USP34: variants seen among roughly 807,000 people sequenced by gnomAD.
The protein encoded by USP34 is ubiquitin carboxyl-terminal hydrolase 34.
Under a neutral mutation model 460.3 loss-of-function variants are expected in USP34, and 70 were observed. The observed-to-expected ratio is 0.15, with a 90% CI of 0.13 to 0.19. USP34 has a LOEUF of 0.19. Among genes scored for constraint, USP34 ranks in the 10% least tolerant of loss-of-function variants. The pLI, the probability that USP34 is intolerant of heterozygous loss-of-function variation, is 1.00. For missense variants in USP34, 3,985 were observed against 4,236.2 expected (o/e 0.94, Z 1.65); for synonymous variants, 1,647 against 1,405.3 (o/e 1.17, Z -3.85).
At chr2:61,320,485 G>T (rs991388358) in intron 21 of USP34, among the ~76,000 whole-genome samples, 1 of 140,780 alleles carries the variant, frequency 7.1e-6, no homozygotes, top group African/African-American at 2.5e-5. Context: ...GCAGTGGCCC[G>T]GGCCAGGAAT....
At chr2:61,282,281 G>A (rs1689557792) in intron 37 of USP34, among the ~76,000 whole-genome samples, 2 of 152,120 alleles carry the variant, frequency 1.3e-5, no homozygotes, top group African/African-American at 4.8e-5. Context: ...TGCCCAGCCA[G>A]AGCTAATATT....
intron 3 of USP34, among the ~76,000 whole-genome samples, chr2:61,402,614 C>T (rs1055491507): frequency 3.9e-5 from 6 of 152,128 alleles, no homozygotes; most frequent in Non-Finnish European, 7.4e-5. Flanking sequence ...ACACAGCTAT[C>T]AAAATACTAA....
chr2:61,298,950 C>T (rs1690134260), intron 29 of USP34, among the ~76,000 whole-genome samples: 1 of 152,024 alleles, frequency 6.6e-6, no homozygotes, highest in Non-Finnish European at 1.5e-5. Flanking sequence ...AGTAGCTGGA[C>T]CCAATTTGAA....
intron 22 of USP34, among the ~76,000 whole-genome samples, chr2:61,318,792 C>G (rs1175028002): frequency 2.6e-5 from 4 of 152,136 alleles, no homozygotes; most frequent in Non-Finnish European, 5.9e-5. Flanking sequence ...TTATTTAAAT[C>G]ATGAAGAGTC....
chr2:61,354,958 A>G (rs1572962708), intron 10 of USP34, among the ~76,000 whole-genome samples: 1 of 152,132 alleles, frequency 6.6e-6, no homozygotes, highest in Non-Finnish European at 1.5e-5. Flanking sequence ...GACCAGCCCA[A>G]TCTCAGAGCC....
At chr2:61,219,670 C>CAAA (rs1264885020) in intron 67 of USP34, among the ~76,000 whole-genome samples, 14 of 78,582 alleles carry the variant, frequency 1.8e-4, no homozygotes, top group African/African-American at 5.1e-4. Flanking sequence ...GACTCTGTCT[C>CAAA]AAAAAAAAAA....
intron 67 of USP34, among the ~76,000 whole-genome samples, chr2:61,218,317 A>G (rs1443162851): frequency 8.6e-5 from 8 of 93,374 alleles, no homozygotes; most frequent in African/African-American, 1.0e-4. Flanking sequence ...AACTTCCAGG[A>G]AAAAAAAAAA....
chr2:61,456,823 C>T (rs1695454602), intron 1 of USP34, among the ~76,000 whole-genome samples: 1 of 151,436 alleles, frequency 6.6e-6, no homozygotes, highest in Admixed American at 6.6e-5. Flanking sequence ...AACACCAAAA[C>T]GAAAATTAGC....
At chr2:61,293,350 T>G in intron 33 of USP34, 114 bp downstream of exon 33, 1 of 666,376 alleles carries the variant, frequency 1.5e-6, no homozygotes, top group Non-Finnish European at 2.5e-6. Context: ...TTCTGCTATA[T>G]TCCATACTTT....
intron 19 of USP34, among the ~76,000 whole-genome samples, chr2:61,331,674 A>C (rs1377360162): frequency 6.6e-6 from 1 of 152,072 alleles, no homozygotes; most frequent in Non-Finnish European, 1.5e-5. Flanking sequence ...ATAAGAATAT[A>C]CTATGTGCTT....
intron 2 of USP34, among the ~76,000 whole-genome samples, chr2:61,409,000 A>G (rs1457419821): frequency 1.3e-5 from 2 of 152,096 alleles, no homozygotes; most frequent in Non-Finnish European, 2.9e-5. Context: ...TGGGCAGATG[A>G]CTAGAGGCCA....
chr2:61,220,495 C>T lies in USP34; in HGVS notation c.7900-38G>A, dbSNP rs1282757227. ...TGACAAGAACAGAATATAAGGCCAA[C>T]TGAATGAGCAATTACTTTTACTTAC... On this transcript the variant is annotated intron_variant, in intron 66 of 79. Transcript: ENST00000398571. 3.3e-6 allele frequency: 5 copies of T among 1,537,870 alleles called. No individual in the cohort carries two copies. In the African/African-American group the frequency reaches 4.2e-5, roughly 13 times the overall value.
At chr2:61,334,029 GC>G (rs1691347185) in intron 18 of USP34, 58 bp from the exon 19 acceptor site, 2 of 1,309,812 alleles carry the variant, frequency 1.5e-6, no homozygotes, top group Non-Finnish European at 2.1e-6. Context: ...TAGAAATTCA[GC>G]CATTTAAAAT....
chr2:61,337,949 T>C (rs1424767349), intron 18 of USP34, among the ~76,000 whole-genome samples: 1 of 152,178 alleles, frequency 6.6e-6, no homozygotes, highest in African/African-American at 2.4e-5. Context: ...TAAAAGAAAA[T>C]TAACATTTTA....
intron 21 of USP34, among the ~76,000 whole-genome samples, chr2:61,320,211 TTA>T (rs1690874026): frequency 6.6e-6 from 1 of 152,262 alleles, no homozygotes; most frequent in Non-Finnish European, 1.5e-5. Flanking sequence ...TCCAACTCGC[TTA>T]TTCCAGTTCA....
intron 1 of USP34, among the ~76,000 whole-genome samples, chr2:61,442,898 TACACACACACAC>T (rs58151221): frequency 3.1e-4 from 46 of 147,308 alleles, no homozygotes; most frequent in East Asian, 2.2e-3. Flanking sequence ...GTGATGTGTG[TACACACACACAC>T]ACACACACAC....
intron 41 of USP34, 159 bp downstream of exon 41, chr2:61,278,006 C>G: frequency 1.0e-6 from 1 of 953,668 alleles, no homozygotes; most frequent in Non-Finnish European, 1.5e-6. Context: ...GCCTCCCCAG[C>G]CACATGGAAC....
intron 48 of USP34, among the ~76,000 whole-genome samples, chr2:61,252,760 T>C (rs1688621180): frequency 6.6e-6 from 1 of 152,158 alleles, no homozygotes; most frequent in Admixed American, 6.5e-5. Flanking sequence ...ATCCTAACAA[T>C]TCTGAAGAAT....
rs150025199 is a variant in USP34 at position 61,344,195 on chromosome 2, ACT to A, written c.2286-168_2286-167del. On this transcript the variant is annotated intron_variant, in intron 15 of 79. Coordinates refer to ENST00000398571, the MANE Select transcript of USP34 (RefSeq NM_014709.4). ...AGCTTTACGAAACTGAAAACTTCAC[ACT>A]GTCAGAATTATTAAATAATTTTACA... Among the ~76,000 whole-genome samples, 65 of 152,338 alleles carry A rather than the reference ACT, an allele frequency of 4.3e-4. No individual in the cohort carries two copies. In the East Asian group the frequency reaches 0.011, roughly 26 times the overall value.
Sources: gnomAD v4.1 joint callset for allele counts (sites outside exome capture counted in the v4.1 genomes callset) on GRCh38, gnomAD v4.1.1 for gene constraint, MANE v1.5 for transcripts, NCBI Gene and HGNC (gene_info 2026-07-23, HGNC 2026-07-21) for gene names.